Variants in RAD52 observed in about 807,000 individuals in gnomAD.
RAD52 encodes RAD52 DNA repair protein, also known as DNA repair protein RAD52 homolog.
In RAD52, 47 loss-of-function variants were observed where a neutral mutation model predicts 55.5. The observed-to-expected ratio is 0.85, with a 90% CI of 0.67 to 1.08. RAD52 has a LOEUF of 1.08. Ranked by LOEUF, RAD52 falls within the 50% of genes least tolerant of loss-of-function variation. The pLI, the probability that RAD52 is intolerant of heterozygous loss-of-function variation, is 0.00. For missense variants in RAD52, 468 were observed against 522.8 expected (o/e 0.90, Z 1.02); for synonymous variants, 184 against 198.9 (o/e 0.92, Z 0.63).
rs980766813 is a variant in RAD52 at position 927,259 on chromosome 12, C to T, written c.353G>A (p.Gly118Asp). 4.3e-6 allele frequency: 7 copies of T among 1,611,410 alleles called. No individual in the cohort carries two copies. Among genetic ancestry groups the T allele is most frequent in the Non-Finnish European group, 5.9e-6 (7 of 1,177,692 alleles). Residue 118 changes from glycine to aspartate, a missense_variant, in exon 6 of 12, where the codon GGT becomes GAT. Physicochemically the swap from Gly to Asp is moderately conservative, Grantham distance 94. Transcript: ENST00000358495. ...CAFVRVQLKD[G>D]SYHEDVGYGV... ...ATAACCAACATCTTCATGATATGAA[C>T]CATCCTGGGGGCAGAAAAGGAGTTT...
chr12:914,322 C>G, intron 10 of RAD52, 109 bp downstream of exon 10: 2 of 1,482,074 alleles, frequency 1.3e-6, no homozygotes, highest in Non-Finnish European at 1.8e-6. Flanking sequence ...AGCCAGAACC[C>G]CCTCAACAAA....
At position 913,928 on chromosome 12, in the gene RAD52, G is replaced by GT; in HGVS notation, c.1160dup (p.Asp387GlufsTer6). 5 of 1,614,118 alleles carry GT rather than the reference G, an allele frequency of 3.1e-6. No individual in the cohort carries two copies. The highest frequency in any genetic ancestry group is 3.4e-6 in the Non-Finnish European group (4 of 1,180,014). ...GTTGGTCAGCGCTATAAGTTTGGAGGTCCCAAGATCCAGATTTTGCTTGTG... is the reference window on the plus strand; with the variant it reads ...GTTGGTCAGCGCTATAAGTTTGGAGGTTCCCAAGATCCAGATTTTGCTTGTG... On this transcript the variant is annotated frameshift_variant, in exon 11 of 12. Transcript: ENST00000358495. LOFTEE classifies it low-confidence loss of function (END_TRUNC).
chr12:962,622 C>A (rs1209594863), intron 1 of RAD52, among the ~76,000 whole-genome samples: 1 of 152,094 alleles, frequency 6.6e-6, no homozygotes, highest in Non-Finnish European at 1.5e-5. Flanking sequence ...GCTGGGATTA[C>A]AGGCGTGAGC....
chr12:925,362 T>C (rs1180028060), intron 7 of RAD52, 88 bp downstream of exon 7: 1 of 1,161,626 alleles, frequency 8.6e-7, no homozygotes, highest in African/African-American at 1.5e-5. Flanking sequence ...GTCCTCACTT[T>C]TTCTCCTTGC....
intron 6 of RAD52, 105 bp downstream of exon 6, chr12:927,040 G>A (rs1957073527): frequency 2.6e-6 from 4 of 1,521,800 alleles, no homozygotes; most frequent in African/African-American, 2.7e-5. Flanking sequence ...ACGCTGCTTG[G>A]ATTTTTGAAC....
chr12:916,327 T>A lies in RAD52; in HGVS notation c.865+17A>T, dbSNP rs745976689. ...CTGCAGACGCCTCCCAGGGCCCTGC[T>A]CCCACCCCTCGCTCACCCTCACTCT... On this transcript the variant is annotated intron_variant, in intron 9 of 11. Transcript: ENST00000358495. 1 of 1,602,908 alleles carries A rather than the reference T, an allele frequency of 6.2e-7. No homozygotes were observed. Among genetic ancestry groups the A allele is most frequent in the South Asian group, 1.1e-5 (1 of 91,024 alleles).
chr12:973,108 C>T lies in RAD52; in HGVS notation c.-19+16701G>A, dbSNP rs189194673. Reference sequence around the variant, plus strand: ...TTTTTGAGACGGAGTCTCGCTCTGTCGCCCAGGCTGGAGTGCAGTGGCGCG... The same window carrying T: ...TTTTTGAGACGGAGTCTCGCTCTGTTGCCCAGGCTGGAGTGCAGTGGCGCG... On this transcript the variant is annotated intron_variant, in intron 1 of 11. Transcript: ENST00000430095. Among the ~76,000 whole-genome samples, 1,468 of 152,254 alleles carry T rather than the reference C, an allele frequency of 9.6e-3. 25 individuals carry two copies. Among genetic ancestry groups the T allele is most frequent in the African/African-American group, 0.034 (1,406 of 41,542 alleles).
In RAD52 at chr12:942,859, G is replaced by C. The variant is rs937950809; in HGVS notation, c.-19+6743C>G. ...AGTAACTATAAAAGAAAATATAAGAGAAAACTGATTACATCAAAATGTAAA... is the reference window on the plus strand; with the variant it reads ...AGTAACTATAAAAGAAAATATAAGACAAAACTGATTACATCAAAATGTAAA... On this transcript the variant is annotated intron_variant, in intron 1 of 11. Coordinates refer to ENST00000358495, the MANE Select transcript of RAD52 (RefSeq NM_134424.4). Among the ~76,000 whole-genome samples, 8 of 151,972 alleles carry C rather than the reference G, an allele frequency of 5.3e-5. No homozygotes were observed. In the East Asian group the frequency reaches 1.2e-3, roughly 22 times the overall value.
chr12:936,353 C>G (rs1209364155), intron 1 of RAD52, among the ~76,000 whole-genome samples: 3 of 151,456 alleles, frequency 2.0e-5, no homozygotes, highest in African/African-American at 7.3e-5. Context: ...TATTGAAGGA[C>G]AATCTTATCT....
At chr12:963,193 C>T (rs575332841) in intron 1 of RAD52, among the ~76,000 whole-genome samples, 28 of 152,006 alleles carry the variant, frequency 1.8e-4, no homozygotes, top group Non-Finnish European at 2.4e-4. Flanking sequence ...GGGTGGTTTT[C>T]GTTTTGCATA....
At chr12:950,130 G>C (rs1958484856), upstream of RAD52, among the ~76,000 whole-genome samples, 1 of 152,198 alleles carries the variant, frequency 6.6e-6, no homozygotes, top group Non-Finnish European at 1.5e-5. Context: ...CCCAGATTCC[G>C]CCCGGGCCGA....
intron 1 of RAD52, among the ~76,000 whole-genome samples, chr12:985,708 G>C (rs78661821): frequency 0.056 from 8,463 of 152,080 alleles, 364 homozygotes; most frequent in Admixed American, 0.14. Context: ...TTGAGACGGA[G>C]TCTTGCTCAT....
intron 7 of RAD52, among the ~76,000 whole-genome samples, chr12:925,040 TC>T (rs1956953419): frequency 6.7e-6 from 1 of 148,962 alleles, no homozygotes; most frequent in Non-Finnish European, 1.5e-5. Flanking sequence ...AAGCTCTGCC[TC>T]CCGGGTTCAC....
intron 1 of RAD52, among the ~76,000 whole-genome samples, chr12:961,418 A>C (rs375109000): frequency 2.6e-5 from 4 of 151,982 alleles, no homozygotes; most frequent in South Asian, 2.1e-4. Context: ...TTGAACCCCT[A>C]ATGTCCAATA....
chr12:989,673 T>G (rs1327920438), intron 1 of RAD52: 1 of 152,200 alleles, frequency 6.6e-6, no homozygotes, highest in Non-Finnish European at 1.5e-5. Flanking sequence ...ATGATGTATC[T>G]CAGACACCTA....
chr12:934,748 C>A (rs529198119), intron 1 of RAD52, among the ~76,000 whole-genome samples: 1 of 151,990 alleles, frequency 6.6e-6, no homozygotes, highest in South Asian at 2.1e-4. Flanking sequence ...TAAATATATA[C>A]AATTTTTGTC....
intron 1 of RAD52, among the ~76,000 whole-genome samples, chr12:956,917 T>C (rs1958614878): frequency 6.6e-6 from 1 of 152,194 alleles, no homozygotes; most frequent in East Asian, 1.9e-4. Flanking sequence ...TTAGATGAGT[T>C]ATAAGATTAT....
At chr12:967,802 G>A (rs1389448425) in intron 1 of RAD52, among the ~76,000 whole-genome samples, 1 of 151,960 alleles carries the variant, frequency 6.6e-6, no homozygotes, top group Admixed American at 6.6e-5. Context: ...TGGGTGTGGT[G>A]GTACACGTCT....
rs1250398085 is a variant in RAD52, at chr12:920,426, G to A, written c.544-3606C>T. Among the ~76,000 whole-genome samples, 23 of 140,328 alleles carry A rather than the reference G, an allele frequency of 1.6e-4. 5 individuals carry two copies. The highest frequency in any genetic ancestry group is 2.3e-4 in the Non-Finnish European group (15 of 64,742). The allele number at this position is 140,328 out of a possible 152,430, so 92.1% of individuals were successfully genotyped here. On this transcript the variant is annotated intron_variant, in intron 7 of 11. Transcript: ENST00000358495. Reference sequence around the variant, plus strand: ...AAAAAATTAGCCGGGCGTAGGTGGCGGGCGCCTGTAGTCCCAGCTACTCAG... The same window carrying A: ...AAAAAATTAGCCGGGCGTAGGTGGCAGGCGCCTGTAGTCCCAGCTACTCAG...
Sources: gnomAD v4.1 joint callset for allele counts (sites outside exome capture counted in the v4.1 genomes callset) on GRCh38, gnomAD v4.1.1 for gene constraint, MANE v1.5 for transcripts, NCBI Gene and HGNC (gene_info 2026-07-23, HGNC 2026-07-21) for gene names.